The following EPB41 variants were observed in gnomAD, a reference collection of about 807,000 sequenced individuals.
The protein encoded by EPB41 is protein 4.1.
Under a neutral mutation model 108.0 loss-of-function variants are expected in EPB41, and 65 were observed. The ratio of observed to expected loss-of-function variants is 0.60; its 90% CI spans 0.49 to 0.74. The LOEUF is 0.74. Among genes scored for constraint, EPB41 ranks in the 30% least tolerant of loss-of-function variants. The probability of loss-of-function intolerance (pLI) is 0.00; values close to 1 mark genes in which losing one functional copy is unlikely to be tolerated. For synonymous variants in EPB41, 336 were observed against 358.9 expected (o/e 0.94, Z 0.72); for missense variants, 875 against 1,037.0 (o/e 0.84, Z 2.15).
intron 1 of EPB41, among the ~76,000 whole-genome samples, chr1:28,948,936 C>T (rs568086237): frequency 5.9e-5 from 9 of 151,938 alleles, no homozygotes; most frequent in East Asian, 1.9e-4. Context: ...GGTGACGGAG[C>T]GAGACTCCAT....
chr1:29,105,917 A>G (rs1667003328), intron 17 of EPB41, among the ~76,000 whole-genome samples: 3 of 150,890 alleles, frequency 2.0e-5, no homozygotes, highest in Non-Finnish European at 3.0e-5. Flanking sequence ...TGGCTAATTT[A>G]TTGGTATTTT....
chr1:29,086,940 C>CTTTT lies in EPB41; in HGVS notation c.2185-10848_2185-10845dup, dbSNP rs386366593. Among the ~76,000 whole-genome samples, 255 of 98,526 alleles carry CTTTT rather than the reference C, an allele frequency of 2.6e-3. 4 individuals are homozygous for CTTTT. The highest frequency in any genetic ancestry group is 5.3e-3 in the East Asian group (17 of 3,218). The allele number at this position is 98,526 out of a possible 152,430, so 64.6% of individuals were successfully genotyped here. On this transcript the variant is annotated intron_variant, in intron 16 of 20. Transcript: ENST00000343067. Reference sequence around the variant, plus strand: ...CACTCTTGTAAGCTTAACTGTGGTTCTTTTTTTTTTTTTTTTTTTTTTGAG... The same window carrying CTTTT: ...CACTCTTGTAAGCTTAACTGTGGTTCTTTTTTTTTTTTTTTTTTTTTTTTTTGAG...
At chr1:28,965,944 A>G (rs1182741909) in intron 1 of EPB41, among the ~76,000 whole-genome samples, 2 of 152,156 alleles carry the variant, frequency 1.3e-5, no homozygotes, top group Non-Finnish European at 2.9e-5. Context: ...GCACTGTGGG[A>G]GGCTGAGACG....
intron 8 of EPB41, among the ~76,000 whole-genome samples, chr1:29,031,279 A>C (rs2096786562): frequency 6.6e-6 from 1 of 152,230 alleles, no homozygotes; most frequent in South Asian, 2.1e-4. Context: ...GTAACATTTG[A>C]AAATATAGAG....
At chr1:28,944,360 T>C (rs910973138) in intron 1 of EPB41, among the ~76,000 whole-genome samples, 4 of 152,084 alleles carry the variant, frequency 2.6e-5, no homozygotes, top group African/African-American at 9.7e-5. Flanking sequence ...AATAACAGAA[T>C]GTAATTGGAT....
chr1:28,938,293 A>G (rs1429183133), intron 1 of EPB41, among the ~76,000 whole-genome samples: 1 of 152,164 alleles, frequency 6.6e-6, no homozygotes. Context: ...TAATTTGGGA[A>G]TATTGCCATC....
intron 16 of EPB41, among the ~76,000 whole-genome samples, chr1:29,083,433 G>A (rs1657559852): frequency 6.6e-6 from 1 of 152,164 alleles, no homozygotes; most frequent in Non-Finnish European, 1.5e-5. Flanking sequence ...GCTTTTGGGG[G>A]TGGGAACCAG....
intron 1 of EPB41, among the ~76,000 whole-genome samples, chr1:28,897,900 A>G (rs188834131): frequency 5.3e-5 from 8 of 152,256 alleles, no homozygotes; most frequent in African/African-American, 1.9e-4. Context: ...CTGCTCCTTA[A>G]GGACGAACTG....
In EPB41 at chr1:29,018,565, A is replaced by C; in HGVS notation, c.1124+123A>C. ...GCCATAGAAAGAGTCAGTTTCCTCC[A>C]CTGTTTGACTTTGGGCAGGTTACTT... is the stretch of plus-strand genomic sequence containing the variant. On this transcript the variant is annotated intron_variant, in intron 7 of 20. Coordinates refer to ENST00000343067, the MANE Select transcript of EPB41 (RefSeq NM_001376013.1). The surrounding 1 kb of genome is among the most constrained non-coding windows in gnomAD (Gnocchi z 4.4). The C allele has an allele frequency of 9.9e-7, 1 of 1,010,324 alleles. No individual in the cohort carries two copies. Among genetic ancestry groups the C allele is most frequent in the Non-Finnish European group, 1.5e-6 (1 of 649,660 alleles). 62.6% of individuals were successfully genotyped at this position (1,010,324 alleles called of 1,614,324 possible).
Position 29,089,077 on chromosome 1 carries a change from C to T in EPB41, c.2185-8730C>T, listed in dbSNP as rs1660285241. The stretch of plus-strand genomic sequence containing the variant: ...GATCTGAGTCTAAACACTAGCTGCT[C>T]ATCTGTTCATCTATAAAATAGAAAT... On this transcript the variant is annotated intron_variant, in intron 16 of 20. Coordinates refer to ENST00000343067, the MANE Select transcript of EPB41 (RefSeq NM_001376013.1). 2.0e-5 allele frequency among the ~76,000 whole-genome samples: 3 copies of T among 152,188 alleles called. No individual in the cohort carries two copies. In the South Asian group the frequency reaches 6.2e-4, roughly 32 times the overall value.
chr1:28,958,543 A>G (rs576275945), intron 1 of EPB41, among the ~76,000 whole-genome samples: 1 of 152,184 alleles, frequency 6.6e-6, no homozygotes, highest in East Asian at 1.9e-4. Flanking sequence ...TGGGCACAGT[A>G]GCTCACGTCT....
In EPB41 at chr1:29,118,638, C is replaced by T. The variant is rs1671373941; in HGVS notation, c.*1826C>T. ...TGAGTTTTGTTTCGGCTGGTTTGAA[C>T]TCATTTCGGGTGTGTGCATTTTTCT... On this transcript the variant is annotated 3_prime_UTR_variant, in exon 21 of 21. Transcript: ENST00000343067. 6.6e-6 allele frequency: 1 copy of T among 152,256 alleles called. No homozygotes were observed. The highest frequency in any genetic ancestry group is 6.5e-5 in the Admixed American group (1 of 15,272). The allele number at this position is 152,256 out of a possible 1,614,324, so 9.4% of individuals were successfully genotyped here.
intron 1 of EPB41, among the ~76,000 whole-genome samples, chr1:28,969,070 G>A (rs1423525438): frequency 6.8e-6 from 1 of 147,670 alleles, no homozygotes; most frequent in East Asian, 2.0e-4. Context: ...CTTTGGACAT[G>A]CAATCATGCC....
intron 7 of EPB41, among the ~76,000 whole-genome samples, chr1:29,028,851 G>C (rs1268420471): frequency 6.6e-6 from 1 of 152,074 alleles, no homozygotes; most frequent in East Asian, 1.9e-4. Context: ...AGATCAGCCT[G>C]GGCAACATAC....
At chr1:29,068,248 G>A (rs1649383843) in intron 16 of EPB41, among the ~76,000 whole-genome samples, 1 of 152,128 alleles carries the variant, frequency 6.6e-6, no homozygotes, top group Non-Finnish European at 1.5e-5. Flanking sequence ...CTATAACTGC[G>A]TATTTTCTAG....
At chr1:29,086,252 C>T (rs1003861736) in intron 16 of EPB41, among the ~76,000 whole-genome samples, 1 of 150,804 alleles carries the variant, frequency 6.6e-6, no homozygotes, top group Non-Finnish European at 1.5e-5. Flanking sequence ...TATTTTAGTA[C>T]ACCTTAAAAT....
At chr1:28,999,287 G>T (rs371567145) in intron 4 of EPB41, among the ~76,000 whole-genome samples, 3 of 152,292 alleles carry the variant, frequency 2.0e-5, no homozygotes, top group Admixed American at 2.0e-4. Context: ...GGAGAATGGC[G>T]TGAGCCCAGG....
intron 4 of EPB41, among the ~76,000 whole-genome samples, chr1:29,011,383 A>G (rs74890317): frequency 2.0e-5 from 3 of 151,844 alleles, no homozygotes; most frequent in Non-Finnish European, 4.4e-5. Context: ...AAAAAAAAAA[A>G]GAAAAAACTT....
At chr1:28,974,841 C>T (rs1200800154) in intron 1 of EPB41, among the ~76,000 whole-genome samples, 1 of 151,202 alleles carries the variant, frequency 6.6e-6, no homozygotes, top group Non-Finnish European at 1.5e-5. Context: ...GTCGCCCAGG[C>T]TGGAGTGCCG....
Sources: allele counts gnomAD v4.1 joint callset (sites outside exome capture counted in the v4.1 genomes callset), GRCh38; gene constraint gnomAD v4.1.1; non-coding constraint Gnocchi (gnomAD v3.1); transcripts MANE v1.5; gene names NCBI Gene and HGNC (gene_info 2026-07-23, HGNC 2026-07-21).